The following BCL2 variants were observed in gnomAD, a reference collection of about 807,000 sequenced individuals.
BCL2 encodes the protein BCL2 apoptosis regulator.
In BCL2, 1 loss-of-function variant was observed where a neutral mutation model predicts 14.2. The observed-to-expected ratio is 0.07, with a 90% CI of 0.02 to 0.33. The LOEUF (loss-of-function observed/expected upper bound fraction) is 0.33. Among genes scored for constraint, BCL2 ranks in the 10% least tolerant of loss-of-function variants. BCL2 has a pLI of 0.99. For missense variants in BCL2, 247 were observed against 305.9 expected (o/e 0.81, Z 1.44); for synonymous variants, 151 against 137.2 (o/e 1.10, Z -0.70).
At chr18:63,231,448 A>T (rs1332277601) in intron 2 of BCL2, among the ~76,000 whole-genome samples, 4 of 152,092 alleles carry the variant, frequency 2.6e-5, no homozygotes, top group Non-Finnish European at 4.4e-5. Context: ...GATTGTCTAC[A>T]TAGATAATCC....
In BCL2 at chr18:63,138,368, C is replaced by T. The variant is rs771956597; in HGVS notation, c.586-9609G>A. Among the ~76,000 whole-genome samples, 32 of 152,366 alleles carry T rather than the reference C, an allele frequency of 2.1e-4. No individual in the cohort carries two copies. In the East Asian group the frequency reaches 2.1e-3, roughly 10 times the overall value. ...TGTGCTGAATGAGTCTAGAGGGTTC[C>T]GTCTGCAGAGCAGTGTGGCTTTGGC... is the stretch of plus-strand genomic sequence containing the variant. On this transcript the variant is annotated intron_variant, in intron 2 of 2. Coordinates refer to ENST00000333681, the MANE Select transcript of BCL2 (RefSeq NM_000633.3).
intron 2 of BCL2, among the ~76,000 whole-genome samples, chr18:63,156,076 T>G: frequency 1.9e-5 from 2 of 106,516 alleles, no homozygotes; most frequent in Non-Finnish European, 3.6e-5. Context: ...TCATGAGGCT[T>G]GCTGAGAAGC....
intron 2 of BCL2, among the ~76,000 whole-genome samples, chr18:63,211,427 C>CAAATCTCAAACCA (rs997668978): frequency 7.9e-5 from 12 of 152,066 alleles, no homozygotes; most frequent in Non-Finnish European, 1.8e-4. Context: ...TGTTTTCTCT[C>CAAATCTCAAACCA]GACTCAAATC....
At chr18:63,151,570 G>GA (rs1349936787) in intron 2 of BCL2, among the ~76,000 whole-genome samples, 2 of 152,086 alleles carry the variant, frequency 1.3e-5, no homozygotes, top group Non-Finnish European at 2.9e-5. Context: ...TGTGCATAGG[G>GA]AATGCTAATG....
At chr18:63,217,567 A>G (rs892439910) in intron 2 of BCL2, among the ~76,000 whole-genome samples, 2 of 152,146 alleles carry the variant, frequency 1.3e-5, no homozygotes, top group Non-Finnish European at 2.9e-5. Context: ...AAAAGCATCA[A>G]ATCTTGTCTT....
Position 63,124,671 on chromosome 18 carries a change from T to C in BCL2, c.*3954A>G, listed in dbSNP as rs539609896. On this transcript the variant is annotated 3_prime_UTR_variant, in exon 3 of 3. Coordinates refer to ENST00000333681, the MANE Select transcript of BCL2 (RefSeq NM_000633.3). ...AAAAAAAATCCCTGAAAGATCCAAA[T>C]TGAATAACAATAAAGATCTGATTGG... is the stretch of plus-strand genomic sequence containing the variant. The C allele has an allele frequency of 3.1e-4, 69 of 220,994 alleles. No individual in the cohort carries two copies. In the South Asian group the frequency reaches 0.011, roughly 34 times the overall value. 13.7% of individuals were successfully genotyped at this position (220,994 alleles called of 1,614,324 possible).
At chr18:63,285,159 G>A (rs1272175047) in intron 2 of BCL2, among the ~76,000 whole-genome samples, 1 of 152,224 alleles carries the variant, frequency 6.6e-6, no homozygotes, top group Non-Finnish European at 1.5e-5. Flanking sequence ...GAGAGAAGGG[G>A]CTGGAATAAG....
intron 2 of BCL2, among the ~76,000 whole-genome samples, chr18:63,296,729 G>A (rs1265265721): frequency 1.3e-5 from 2 of 152,188 alleles, no homozygotes; most frequent in Admixed American, 1.3e-4. Flanking sequence ...TCAGCAGACT[G>A]ACAATGGGAG....
At chr18:63,194,531 C>T (rs747758004) in intron 2 of BCL2, among the ~76,000 whole-genome samples, 2 of 151,912 alleles carry the variant, frequency 1.3e-5, no homozygotes, top group African/African-American at 4.8e-5. Context: ...GACGGGATTT[C>T]ACCATGTTGG....
At chr18:63,225,888 C>T (rs751686767) in intron 2 of BCL2, among the ~76,000 whole-genome samples, 2 of 152,190 alleles carry the variant, frequency 1.3e-5, no homozygotes, top group Non-Finnish European at 2.9e-5. Flanking sequence ...CATCCATGGA[C>T]GCCTTAAGTG....
Position 63,248,366 on chromosome 18 carries a change from C to A in BCL2, c.585+69716G>T, listed in dbSNP as rs73963723. Among the ~76,000 whole-genome samples, 458 of 152,334 alleles carry A rather than the reference C, an allele frequency of 3.0e-3. 3 individuals carry two copies. Among genetic ancestry groups the A allele is most frequent in the African/African-American group, 0.011 (444 of 41,572 alleles). ...TTCTGCCAACATTGAGATGCCATGT[C>A]CTTCACAGTAAAGCAAGGTTGTCTA... On this transcript the variant is annotated intron_variant, in intron 2 of 2. Transcript: ENST00000333681.
chr18:63,167,203 C>T (rs946001800), intron 2 of BCL2, among the ~76,000 whole-genome samples: 2 of 152,096 alleles, frequency 1.3e-5, no homozygotes, highest in Non-Finnish European at 2.9e-5. Flanking sequence ...GTCTTTCTCG[C>T]CTTCCTTCAT....
In BCL2 at chr18:63,134,263, A is replaced by G. The variant is rs367836719; in HGVS notation, c.586-5504T>C. ...TATGAAATATATTTCAATATATACT[A>G]CATAGAATAATGTTACATTCTAAGT... On this transcript the variant is annotated intron_variant, in intron 2 of 2. Transcript: ENST00000333681. Among the ~76,000 whole-genome samples, 44 of 152,308 alleles carry G rather than the reference A, an allele frequency of 2.9e-4. No individual in the cohort carries two copies. In the South Asian group the frequency reaches 8.7e-3, roughly 30 times the overall value.
intron 2 of BCL2, among the ~76,000 whole-genome samples, chr18:63,258,209 T>C (rs1441636135): frequency 6.6e-6 from 1 of 152,208 alleles, no homozygotes; most frequent in African/African-American, 2.4e-5. Context: ...AGTGTGGCCA[T>C]GCTGGCACCT....
chr18:63,176,982 T>G (rs536391237), intron 2 of BCL2, among the ~76,000 whole-genome samples: 1 of 151,530 alleles, frequency 6.6e-6, no homozygotes, highest in Non-Finnish European at 1.5e-5. Context: ...AGTGGTACAA[T>G]CACAGCTCTC....
rs1913901048 is a variant in BCL2 at position 63,125,985 on chromosome 18, T to A, written c.*2640A>T. On this transcript the variant is annotated 3_prime_UTR_variant, in exon 3 of 3. Coordinates refer to ENST00000333681, the MANE Select transcript of BCL2 (RefSeq NM_000633.3). ...AACAAAAGACAAAACAGGCTTTATA[T>A]TAAAAACGTCCACGTTCTTCATTGT... 1 of 215,100 alleles carries A rather than the reference T, an allele frequency of 4.6e-6. No homozygotes were observed. The highest frequency in any genetic ancestry group is 9.4e-6 in the Non-Finnish European group (1 of 106,280). 13.3% of individuals were successfully genotyped at this position (215,100 alleles called of 1,614,324 possible). A position where few individuals can be genotyped will look rare whatever the true frequency, so the allele number is the denominator to read the frequency against.
chr18:63,226,920 TAAA>T (rs1910565500), intron 2 of BCL2, among the ~76,000 whole-genome samples: 2 of 151,980 alleles, frequency 1.3e-5, no homozygotes, highest in Admixed American at 1.3e-4. Context: ...CTCAGATAGA[TAAA>T]TAGAGGACTG....
chr18:63,173,605 A>G (rs1197863552), intron 2 of BCL2, among the ~76,000 whole-genome samples: 1 of 152,230 alleles, frequency 6.6e-6, no homozygotes, highest in Non-Finnish European at 1.5e-5. Flanking sequence ...AAACAAATCG[A>G]AAGAAAAAAG....
intron 2 of BCL2, among the ~76,000 whole-genome samples, chr18:63,205,085 A>G (rs997994160): frequency 6.6e-6 from 1 of 152,220 alleles, no homozygotes; most frequent in East Asian, 1.9e-4. Context: ...CATGTGACTA[A>G]TACCTATGCA....
Sources: gnomAD v4.1 joint callset for allele counts (sites outside exome capture counted in the v4.1 genomes callset) on GRCh38, gnomAD v4.1.1 for gene constraint, MANE v1.5 for transcripts, NCBI Gene and HGNC (gene_info 2026-07-23, HGNC 2026-07-21) for gene names.